Variants in ACOXL observed in about 807,000 individuals in gnomAD.
The protein encoded by ACOXL is acyl-coenzyme A oxidase-like protein.
Under a neutral mutation model 71.9 loss-of-function variants are expected in ACOXL, and 70 were observed. That is an observed-to-expected ratio of 0.97 (90% CI 0.80 to 1.19). The LOEUF (loss-of-function observed/expected upper bound fraction) is 1.19. ACOXL is among the 50% of genes most tolerant of loss of function. The probability of loss-of-function intolerance (pLI) is 0.00; values close to 1 mark genes in which losing one functional copy is unlikely to be tolerated. For synonymous variants in ACOXL, 253 were observed against 281.6 expected, an observed-to-expected ratio of 0.90 and a Z score of 1.02; for missense variants, 703 against 736.3, an observed-to-expected ratio of 0.95 and a Z score of 0.52.
intron 15 of ACOXL, among the ~76,000 whole-genome samples, chr2:111,032,373 C>CA (rs2065318746): frequency 6.6e-6 from 1 of 152,118 alleles, no homozygotes; most frequent in Non-Finnish European, 1.5e-5. Flanking sequence ...TATCTAGCCC[C>CA]AAATGACAGT....
At chr2:111,089,215 G>A (rs796720587) in intron 16 of ACOXL, among the ~76,000 whole-genome samples, 37 of 152,260 alleles carry the variant, frequency 2.4e-4, no homozygotes, top group Admixed American at 1.6e-3. Context: ...AAGGAGAATC[G>A]CTTGAACCAG....
chr2:111,033,890 T>C (rs1458451805), intron 15 of ACOXL, among the ~76,000 whole-genome samples: 3 of 152,222 alleles, frequency 2.0e-5, no homozygotes, highest in Admixed American at 6.5e-5. Context: ...TATGGACTCC[T>C]GGTGCAAAAC....
chr2:110,917,610 A>G (rs1308739618), intron 11 of ACOXL, among the ~76,000 whole-genome samples: 1 of 152,228 alleles, frequency 6.6e-6, no homozygotes, highest in African/African-American at 2.4e-5. Context: ...GAGGAAGTCA[A>G]ATTGTCCCTG....
intron 1 of ACOXL, among the ~76,000 whole-genome samples, chr2:110,737,383 A>T (rs1402064348): frequency 6.6e-6 from 1 of 152,154 alleles, no homozygotes; most frequent in East Asian, 1.9e-4. Context: ...TCACTACAGC[A>T]CCATTTTCCT....
rs560354792 is a variant in ACOXL, at chr2:111,089,275, C to T, written c.1441-3590C>T. ...AGATTGCCACTGCACTCCAGCCTGG[C>T]GATAGACCGAGACTCCGTCTCAAAA... On this transcript the variant is annotated intron_variant, in intron 16 of 17. Transcript: ENST00000439055. Among the ~76,000 whole-genome samples the T allele has an allele frequency of 5.9e-4, 89 of 152,128 alleles. 1 individual carries two copies. The highest frequency in any genetic ancestry group is 1.7e-3 in the African/African-American group (71 of 41,512).
At chr2:111,012,156 T>C (rs1300879069) in intron 14 of ACOXL, among the ~76,000 whole-genome samples, 1 of 152,234 alleles carries the variant, frequency 6.6e-6, no homozygotes, top group East Asian at 1.9e-4. Flanking sequence ...GCAGATGTTG[T>C]GTTTTTTACA....
chr2:110,770,330 C>A lies in ACOXL; in HGVS notation c.75+1866C>A, dbSNP rs561587947. Among the ~76,000 whole-genome samples, 3 of 152,306 alleles carry A rather than the reference C, an allele frequency of 2.0e-5. No individual in the cohort carries two copies. The South Asian group carries it at 6.2e-4, about 32-fold the overall frequency. ...TCCATGCTTGAAAGTAGATCCCTCT[C>A]CCTTCCCCACAATCCCACCAACCTT... On this transcript the variant is annotated intron_variant, in intron 2 of 17. Transcript: ENST00000439055.
chr2:110,819,618 T>G (rs532007910), intron 9 of ACOXL, among the ~76,000 whole-genome samples: 1 of 152,216 alleles, frequency 6.6e-6, no homozygotes, highest in South Asian at 2.1e-4. Context: ...GAGGAGGGAA[T>G]TCAAGTTGGA....
rs1485840208 is a variant in ACOXL, at chr2:110,819,002, TC to T, written c.753+13609del. Among the ~76,000 whole-genome samples the T allele has an allele frequency of 1.7e-4, 11 of 65,194 alleles. 3 individuals carry two copies. The highest frequency in any genetic ancestry group is 1.5e-3 in the Admixed American group (10 of 6,678). 42.8% of individuals were successfully genotyped at this position (65,194 alleles called of 152,430 possible). ...GTTCTATTCAGCACCTAAGGTACTG[TC>T]CGTTTCTGGGCTTCATTTTAAAAGA... On this transcript the variant is annotated intron_variant, in intron 9 of 17. Coordinates refer to ENST00000439055, the MANE Select transcript of ACOXL (RefSeq NM_001142807.4).
intron 16 of ACOXL, among the ~76,000 whole-genome samples, chr2:111,078,981 A>T (rs1246628980): frequency 6.6e-6 from 1 of 152,184 alleles, no homozygotes; most frequent in East Asian, 1.9e-4. Context: ...TGTTCCGTGT[A>T]TGCACCACTA....
At chr2:110,949,931 T>C (rs1213381345) in intron 12 of ACOXL, among the ~76,000 whole-genome samples, 2 of 152,234 alleles carry the variant, frequency 1.3e-5, no homozygotes, top group African/African-American at 4.8e-5. Context: ...GTGATAACTT[T>C]CTTCCCTGGC....
chr2:111,106,029 C>T (rs961015772), intron 17 of ACOXL, among the ~76,000 whole-genome samples: 13 of 152,104 alleles, frequency 8.5e-5, no homozygotes, highest in Admixed American at 5.2e-4. Flanking sequence ...GGCTCAGCTT[C>T]GTGAATTTGT....
intron 16 of ACOXL, among the ~76,000 whole-genome samples, chr2:111,051,754 G>A (rs1435060413): frequency 6.6e-6 from 1 of 152,204 alleles, no homozygotes; most frequent in Non-Finnish European, 1.5e-5. Context: ...ACAGACATAC[G>A]CCACTGCGCC....
intron 14 of ACOXL, among the ~76,000 whole-genome samples, chr2:110,999,954 G>A (rs1416502171): frequency 6.6e-6 from 1 of 152,336 alleles, no homozygotes; most frequent in Non-Finnish European, 1.5e-5. Flanking sequence ...AACACTTGGT[G>A]TAATCCACTA....
At chr2:111,022,556 C>T (rs550503507) in intron 14 of ACOXL, among the ~76,000 whole-genome samples, 20 of 152,152 alleles carry the variant, frequency 1.3e-4, no homozygotes, top group East Asian at 3.9e-4. Flanking sequence ...CAGGCAGGGG[C>T]GGGCTTACAT....
intron 12 of ACOXL, among the ~76,000 whole-genome samples, chr2:110,936,691 G>C (rs2060675402): frequency 6.6e-6 from 1 of 152,142 alleles, no homozygotes; most frequent in African/African-American, 2.4e-5. Flanking sequence ...AATAATTAAG[G>C]ATACAGATAA....
chr2:110,900,148 G>A (rs1287094788), intron 10 of ACOXL, among the ~76,000 whole-genome samples: 1 of 150,712 alleles, frequency 6.6e-6, no homozygotes. Context: ...AAAAAAGTCA[G>A]TGGACTTAGC....
At chr2:110,742,082 A>T (rs1057154999) in intron 1 of ACOXL, among the ~76,000 whole-genome samples, 1 of 152,250 alleles carries the variant, frequency 6.6e-6, no homozygotes, top group African/African-American at 2.4e-5. Flanking sequence ...CACGGTGAGG[A>T]GAGGGTCCCA....
intron 14 of ACOXL, among the ~76,000 whole-genome samples, chr2:111,006,994 C>T (rs2149649377): frequency 6.6e-6 from 1 of 152,024 alleles, no homozygotes; most frequent in Non-Finnish European, 1.5e-5. Context: ...CCTAGGGAAT[C>T]CTGTTATGGA....
Sources: gnomAD v4.1 joint callset for allele counts (sites outside exome capture counted in the v4.1 genomes callset) on GRCh38, gnomAD v4.1.1 for gene constraint, MANE v1.5 for transcripts, NCBI Gene and HGNC (gene_info 2026-07-23, HGNC 2026-07-21) for gene names.